NOMO1: variants seen among roughly 807,000 people sequenced by gnomAD.
NOMO1 encodes NODAL modulator 1.
Under a neutral mutation model 133.8 loss-of-function variants are expected in NOMO1, and 40 were observed. That is an observed-to-expected ratio of 0.30 (90% CI 0.23 to 0.39). The LOEUF (loss-of-function observed/expected upper bound fraction) is 0.39, where lower values mean the gene tolerates loss of function less well. Among genes scored for constraint, NOMO1 ranks in the 10% least tolerant of loss-of-function variants. The probability of loss-of-function intolerance (pLI) is 1.00; values close to 1 mark genes in which losing one functional copy is unlikely to be tolerated. For synonymous variants in NOMO1, 236 were observed against 570.5 expected (o/e 0.41, Z 8.36); for missense variants, 462 against 1,419.9 (o/e 0.33, Z 10.84).
Position 14,853,593 on chromosome 16 carries a change from G to A in NOMO1, c.862G>A (p.Gly288Ser). The change falls in exon 8 of 31, where the codon GGC becomes AGC. Residue 288 changes from glycine to serine, a missense_variant. Coordinates refer to ENST00000287667, the MANE Select transcript of NOMO1 (RefSeq NM_014287.4). ...SFSFYSLPSG[G>S]YTVIPFYRGE... ...CTCTTTCTATTCCTTGCCAAGTGGG[G>A]GCTACACTGTGGTGAGTAAAGCAGA... is the stretch of plus-strand genomic sequence containing the variant. The A allele has an allele frequency of 6.2e-7, 1 of 1,611,228 alleles. No individual in the cohort carries two copies. Among genetic ancestry groups the A allele is most frequent in the South Asian group, 1.1e-5 (1 of 90,920 alleles).
intron 16 of NOMO1, among the ~76,000 whole-genome samples, chr16:14,871,263 C>T (rs1293236495): frequency 1.3e-5 from 2 of 150,868 alleles, no homozygotes; most frequent in African/African-American, 4.9e-5. Flanking sequence ...TTAATAGAAT[C>T]TTTTAAGTAG....
chr16:14,878,902 A>T, intron 23 of NOMO1, 68 bp downstream of exon 23: 2 of 1,596,586 alleles, frequency 1.3e-6, no homozygotes, highest in Non-Finnish European at 1.7e-6. Flanking sequence ...AGCATGCGAG[A>T]CTTACGTGTT....
intron 25 of NOMO1, among the ~76,000 whole-genome samples, 184 bp from the exon 26 acceptor site, chr16:14,882,401 ATTTCAGATG>A (rs1167831754): frequency 7.6e-4 from 96 of 126,796 alleles, no homozygotes; most frequent in Non-Finnish European, 1.3e-4. Context: ...GAGTCGCAAA[ATTTCAGATG>A]TTTCAACACT....
intron 16 of NOMO1, among the ~76,000 whole-genome samples, chr16:14,870,934 ATT>A (rs537303449): frequency 3.5e-5 from 5 of 144,140 alleles, no homozygotes; most frequent in Admixed American, 1.4e-4. Context: ...GAGAAACCTG[ATT>A]TTTTTTTTTT....
intron 27 of NOMO1, 60 bp downstream of exon 27, chr16:14,884,542 A>T: frequency 6.2e-7 from 1 of 1,609,244 alleles, no homozygotes; most frequent in South Asian, 1.1e-5. Flanking sequence ...GACAAGTACG[A>T]ATGGGATGTT....
intron 3 of NOMO1, among the ~76,000 whole-genome samples, chr16:14,841,926 G>A (rs933699584): frequency 6.6e-6 from 1 of 151,678 alleles, no homozygotes; most frequent in African/African-American, 2.4e-5. Flanking sequence ...CCTCACTGTC[G>A]AGCAAGGGTA....
chr16:14,845,893 T>C (rs1597093471), intron 4 of NOMO1, among the ~76,000 whole-genome samples: 1 of 151,670 alleles, frequency 6.6e-6, no homozygotes, highest in Non-Finnish European at 1.5e-5. Flanking sequence ...AGTAGCGCAG[T>C]CTCTCTCACC....
At chr16:14,846,513 A>T in intron 4 of NOMO1, 64 bp from the exon 5 acceptor site, 2 of 594,490 alleles carry the variant, frequency 3.4e-6, no homozygotes, top group Non-Finnish European at 6.0e-6. Flanking sequence ...TGTAAGCAGG[A>T]CTGCCAGTGC....
intron 20 of NOMO1, among the ~76,000 whole-genome samples, chr16:14,875,927 G>T (rs1386119252): frequency 6.6e-6 from 1 of 151,102 alleles, no homozygotes; most frequent in Non-Finnish European, 1.5e-5. Flanking sequence ...TCGTTAAGTT[G>T]TGGGTGTTAT....
At chr16:14,836,182 G>C (rs998853408) in intron 1 of NOMO1, among the ~76,000 whole-genome samples, 7 of 151,984 alleles carry the variant, frequency 4.6e-5, no homozygotes, top group Admixed American at 6.6e-5. Context: ...CTCCCTAACC[G>C]GTCTAGGCTG....
rs1268276245 is a variant in NOMO1 at position 14,889,228 on chromosome 16, G to C, written c.3444+13G>C. ...TTTTAATCCCACGGTAAGTAAAAGA[G>C]GGAGTTAAAAAAAAACCCATGGGCT... On this transcript the variant is annotated intron_variant, in intron 29 of 30. Coordinates refer to ENST00000287667, the MANE Select transcript of NOMO1 (RefSeq NM_014287.4). 1 of 1,611,578 alleles carries C rather than the reference G, an allele frequency of 6.2e-7. No individual in the cohort carries two copies. Among genetic ancestry groups the C allele is most frequent in the Admixed American group, 1.7e-5 (1 of 59,988 alleles).
At chr16:14,849,931 G>T in intron 6 of NOMO1, among the ~76,000 whole-genome samples, 1 of 117,294 alleles carries the variant, frequency 8.5e-6, no homozygotes. Context: ...ACAGGGTCTT[G>T]CTCTGTTGCC....
At chr16:14,883,459 G>A (rs1250321781) in intron 26 of NOMO1, among the ~76,000 whole-genome samples, 1 of 150,950 alleles carries the variant, frequency 6.6e-6, no homozygotes, top group African/African-American at 2.4e-5. Context: ...ACCTCAGCCT[G>A]TAGCTGGGAC....
At position 14,866,623 on chromosome 16, in the gene NOMO1, A is replaced by T. The variant is rs17356851; in HGVS notation, c.1738A>T (p.Met580Leu). ...SLEVEVLEDD[M>L]SAVEFRQTGY... ...GGAGGTGGAAGTGCTGGAGGATGAC[A>T]TGTCTGCAGTTGAGTTCAGGCAGAC... Residue 580 changes from methionine (M) to leucine (L), a missense_variant, in exon 15 of 31, where the codon ATG becomes TTG. Physicochemically the swap from Met to Leu is conservative, Grantham distance 15. Coordinates refer to ENST00000287667, the MANE Select transcript of NOMO1 (RefSeq NM_014287.4). 3 of 1,590,858 alleles carry T rather than the reference A, an allele frequency of 1.9e-6. No individual in the cohort carries two copies. Among genetic ancestry groups the T allele is most frequent in the South Asian group, 1.1e-5 (1 of 89,890 alleles).
At chr16:14,866,056 T>A (rs1963989759) in intron 14 of NOMO1, among the ~76,000 whole-genome samples, 1 of 145,166 alleles carries the variant, frequency 6.9e-6, no homozygotes, top group African/African-American at 2.6e-5. Context: ...TTGGTTCCAG[T>A]TTTTCTTTCT....
At chr16:14,864,836 G>A (rs1406801802) in intron 13 of NOMO1, 110 bp downstream of exon 13, 9 of 1,541,750 alleles carry the variant, frequency 5.8e-6, no homozygotes, top group Admixed American at 1.7e-5. Context: ...CTGATCACCT[G>A]CGTGCGAGGG....
At chr16:14,850,525 A>G (rs1963742380) in intron 6 of NOMO1, among the ~76,000 whole-genome samples, 1 of 150,698 alleles carries the variant, frequency 6.6e-6, no homozygotes, top group Non-Finnish European at 1.5e-5. Context: ...GTTCTGTAAT[A>G]GCCGTGAAAG....
chr16:14,881,656 G>C lies in NOMO1; in HGVS notation c.2998G>C (p.Glu1000Gln). 6.2e-7 allele frequency: 1 copy of C among 1,611,380 alleles called. No individual in the cohort carries two copies. The change falls in exon 25 of 31, where the codon GAG becomes CAG. Residue 1000 changes from glutamate (E) to glutamine (Q), a missense_variant. By Grantham distance (29) the Glu-to-Gln change is conservative. Coordinates refer to ENST00000287667, the MANE Select transcript of NOMO1 (RefSeq NM_014287.4). ...IYGEDTVTDE[E>Q]GKFRLRGLLP... ...CGGAGAAGACACCGTGACAGACGAA[G>C]AGGGCAAGTTCAGATTACGTGGATT...
intron 9 of NOMO1, among the ~76,000 whole-genome samples, chr16:14,856,713 A>G (rs571411500): frequency 6.6e-6 from 1 of 152,032 alleles, no homozygotes; most frequent in Non-Finnish European, 1.5e-5. Context: ...CGCCTGGCCT[A>G]GGTGGATTTC....
Sources: gnomAD v4.1 joint callset for allele counts (sites outside exome capture counted in the v4.1 genomes callset) on GRCh38, gnomAD v4.1.1 for gene constraint, MANE v1.5 for transcripts, NCBI Gene and HGNC (gene_info 2026-07-23, HGNC 2026-07-21) for gene names.